IRF2: variants seen among roughly 807,000 people sequenced by gnomAD.
IRF2 encodes the protein interferon regulatory factor 2.
In IRF2, 15 loss-of-function variants were observed where a neutral mutation model predicts 40.6. The observed-to-expected ratio is 0.37, with a 90% CI of 0.25 to 0.57. IRF2 has a LOEUF of 0.57. IRF2 is among the 20% of genes least tolerant of loss of function. The pLI, the probability that IRF2 is intolerant of heterozygous loss-of-function variation, is 0.77. For synonymous variants in IRF2, 151 were observed against 165.5 expected (o/e 0.91, Z 0.67); for missense variants, 317 against 455.7 (o/e 0.70, Z 2.77).
At chr4:184,443,974 C>T (rs1579093904) in intron 1 of IRF2, among the ~76,000 whole-genome samples, 1 of 152,178 alleles carries the variant, frequency 6.6e-6, no homozygotes, top group East Asian at 1.9e-4. Flanking sequence ...TTAGGCCCTT[C>T]ATAGGCCTAC....
chr4:184,463,801 T>G (rs984890946), intron 1 of IRF2, among the ~76,000 whole-genome samples: 2 of 152,166 alleles, frequency 1.3e-5, no homozygotes, highest in African/African-American at 2.4e-5. Context: ...CAGATAAAAA[T>G]TGGAGATTTG....
chr4:184,432,158 C>T (rs1195233365), intron 1 of IRF2: 4 of 152,316 alleles, frequency 2.6e-5, no homozygotes, highest in African/African-American at 7.2e-5. Flanking sequence ...CCACACTGTT[C>T]GCAGATTCTG....
At position 184,471,877 on chromosome 4, in the gene IRF2, A is replaced by G. The variant is rs1228018412; in HGVS notation, c.-7+2502T>C. The G allele has an allele frequency of 2.6e-5, 4 of 152,246 alleles. No homozygotes were observed. In the East Asian group the frequency reaches 7.7e-4, roughly 29 times the overall value. The allele number at this position is 152,246 out of a possible 1,614,324, so 9.4% of individuals were successfully genotyped here. A position where few individuals can be genotyped will look rare whatever the true frequency, so the allele number is the denominator to read the frequency against. On this transcript the variant is annotated intron_variant, in intron 1 of 8. Transcript: ENST00000393593. ...ATGCTGACATTTTTACAGGTAAGTA[A>G]ATCTGAAATAACTGGAACTTTCTCT...
Position 184,440,544 on chromosome 4 carries a change from C to A in IRF2, c.-6-11474G>T, listed in dbSNP as rs114041242. On this transcript the variant is annotated intron_variant, in intron 1 of 8. Coordinates refer to ENST00000393593, the MANE Select transcript of IRF2 (RefSeq NM_002199.4). ...TTCATGCCTCCGTCTTGTTTGCTCA[C>A]ACTGCAAACATTTGTGAGAGGCTGG... 3.3e-3 allele frequency among the ~76,000 whole-genome samples: 510 copies of A among 152,378 alleles called. 4 individuals carry two copies. The highest frequency in any genetic ancestry group is 0.012 in the African/African-American group (496 of 41,594).
chr4:184,449,229 G>A (rs1372968540), intron 1 of IRF2, among the ~76,000 whole-genome samples: 1 of 152,140 alleles, frequency 6.6e-6, no homozygotes, highest in Non-Finnish European at 1.5e-5. Context: ...CCTAAAGCCT[G>A]TCCTTACCCC....
At chr4:184,425,429 G>C (rs894091129) in intron 2 of IRF2, among the ~76,000 whole-genome samples, 14 of 152,264 alleles carry the variant, frequency 9.2e-5, no homozygotes, top group Admixed American at 9.2e-4. Flanking sequence ...CCATGTGCAC[G>C]AGCAATGCCA....
intron 1 of IRF2, among the ~76,000 whole-genome samples, chr4:184,435,959 T>TTTTTTC (rs1482963170): frequency 6.6e-6 from 1 of 150,588 alleles, no homozygotes; most frequent in South Asian, 2.1e-4. Flanking sequence ...GGAGCTTTTC[T>TTTTTTC]TTTTTCTTTT....
chr4:184,411,059 CT>C (rs34897483), intron 5 of IRF2, among the ~76,000 whole-genome samples: 17,867 of 141,176 alleles, frequency 0.13, 1,010 homozygotes, highest in Non-Finnish European at 0.15. Context: ...TCTCTCCACA[CT>C]TTTTTTTTTT....
chr4:184,460,260 A>G (rs1739086131), intron 1 of IRF2, among the ~76,000 whole-genome samples: 1 of 152,230 alleles, frequency 6.6e-6, no homozygotes, highest in Admixed American at 6.5e-5. Flanking sequence ...TTCCACTTAC[A>G]TGAGACATCT....
At chr4:184,420,949 T>G (rs148085559) in intron 2 of IRF2, among the ~76,000 whole-genome samples, 2 of 152,360 alleles carry the variant, frequency 1.3e-5, no homozygotes, top group African/African-American at 2.4e-5. Flanking sequence ...GTCTCCCAGC[T>G]TTTAGATTTG....
At chr4:184,429,283 C>T (rs1197432721) in intron 1 of IRF2, among the ~76,000 whole-genome samples, 3 of 152,330 alleles carry the variant, frequency 2.0e-5, no homozygotes, top group Non-Finnish European at 4.4e-5. Flanking sequence ...CAGGATGGTC[C>T]AGGCCTGCCC....
At chr4:184,429,422 AC>A (rs1737793085) in intron 1 of IRF2, among the ~76,000 whole-genome samples, 3 of 152,160 alleles carry the variant, frequency 2.0e-5, no homozygotes, top group African/African-American at 7.2e-5. Context: ...AGAGGCCCCA[AC>A]GCCTTTGGGG....
chr4:184,458,047 C>T (rs893270215), intron 1 of IRF2, among the ~76,000 whole-genome samples: 1 of 152,148 alleles, frequency 6.6e-6, no homozygotes, highest in African/African-American at 2.4e-5. Context: ...CCCTTCATGT[C>T]TTTGCTCTTG....
At chr4:184,434,408 G>GT (rs554860375) in intron 1 of IRF2, among the ~76,000 whole-genome samples, 76 of 151,386 alleles carry the variant, frequency 5.0e-4, no homozygotes, top group African/African-American at 9.5e-4. Context: ...ATAATCTGAT[G>GT]TTTTTTTTTC....
intron 5 of IRF2, among the ~76,000 whole-genome samples, chr4:184,411,780 G>A (rs936087862): frequency 1.3e-5 from 2 of 151,998 alleles, no homozygotes; most frequent in Non-Finnish European, 2.9e-5. Flanking sequence ...AGATCCTGCA[G>A]GCCCTGAACA....
At chr4:184,425,584 C>T (rs1579842957) in intron 2 of IRF2, among the ~76,000 whole-genome samples, 1 of 152,380 alleles carries the variant, frequency 6.6e-6, no homozygotes, top group East Asian at 1.9e-4. Context: ...ATCAGCCTGG[C>T]TCAGGTCCAG....
intron 1 of IRF2, among the ~76,000 whole-genome samples, chr4:184,431,441 A>C (rs17075852): frequency 0.016 from 2,375 of 152,286 alleles, 64 homozygotes; most frequent in African/African-American, 0.054. Flanking sequence ...AAGACTAGGG[A>C]GTGCTGGGAA....
Position 184,429,088 on chromosome 4 carries a change from C to T in IRF2, c.-6-18G>A, listed in dbSNP as rs369104237. ...ATGGTGCCCTTGAGGGAGAGAAACA[C>T]AGCGTCAGGCGTTGGTGCCACTCAG... On this transcript the variant is annotated intron_variant, in intron 1 of 8. Transcript: ENST00000393593. 2.8e-5 allele frequency: 45 copies of T among 1,604,992 alleles called. No homozygotes were observed. The highest frequency in any genetic ancestry group is 3.8e-5 in the Non-Finnish European group (45 of 1,172,062).
intron 7 of IRF2, among the ~76,000 whole-genome samples, chr4:184,397,505 T>A (rs1405894727): frequency 6.6e-6 from 1 of 152,050 alleles, no homozygotes; most frequent in Non-Finnish European, 1.5e-5. Flanking sequence ...TTTATGTTAA[T>A]GTATTTTACC....
Sources: gnomAD v4.1 joint callset for allele counts (sites outside exome capture counted in the v4.1 genomes callset) on GRCh38, gnomAD v4.1.1 for gene constraint, MANE v1.5 for transcripts, NCBI Gene and HGNC (gene_info 2026-07-23, HGNC 2026-07-21) for gene names.